The following FRMD4A variants were observed in gnomAD, a reference collection of about 807,000 sequenced individuals.
FRMD4A encodes the protein FERM domain-containing protein 4A.
A neutral mutation model predicts 129.1 loss-of-function variants in FRMD4A; 29 were observed. The ratio of observed to expected loss-of-function variants is 0.22; its 90% CI spans 0.17 to 0.31. The LOEUF (loss-of-function observed/expected upper bound fraction) is 0.31, where lower values mean the gene tolerates loss of function less well. FRMD4A is among the 10% of genes least tolerant of loss of function. The probability of loss-of-function intolerance (pLI) is 1.00; values close to 1 mark genes in which losing one functional copy is unlikely to be tolerated. For missense variants in FRMD4A, 1,272 were observed against 1,375.8 expected (o/e 0.92, Z 1.19); for synonymous variants, 634 against 571.6 (o/e 1.11, Z -1.56).
At chr10:14,162,641 G>GTTTTTTTTTTTTTTT (rs71388160) in intron 2 of FRMD4A, among the ~76,000 whole-genome samples, 17 of 118,382 alleles carry the variant, frequency 1.4e-4, no homozygotes, top group African/African-American at 2.4e-4. Flanking sequence ...TTTTTTTTTT[G>GTTTTTTTTTTTTTTT]TTTTTTTTTT....
intron 2 of FRMD4A, among the ~76,000 whole-genome samples, chr10:14,195,945 G>T (rs1842460228): frequency 6.6e-6 from 1 of 152,134 alleles, no homozygotes; most frequent in South Asian, 2.1e-4. Flanking sequence ...GAAAAGTTTT[G>T]TTCAGTATGT....
chr10:13,977,088 GAGA>G (rs1229212494), intron 2 of FRMD4A, among the ~76,000 whole-genome samples: 5 of 152,338 alleles, frequency 3.3e-5, no homozygotes, highest in African/African-American at 1.2e-4. Context: ...ATTCCAAAGT[GAGA>G]AGGTGATAGG....
intron 12 of FRMD4A, among the ~76,000 whole-genome samples, chr10:13,718,942 A>G (rs1408886927): frequency 6.6e-6 from 1 of 152,224 alleles, no homozygotes; most frequent in African/African-American, 2.4e-5. Context: ...ACCTGGGGGC[A>G]TATTAGACAC....
intron 2 of FRMD4A, among the ~76,000 whole-genome samples, chr10:14,072,264 A>G (rs561535985): frequency 1.3e-5 from 2 of 152,206 alleles, no homozygotes; most frequent in Non-Finnish European, 2.9e-5. Context: ...GAGTTCAGGC[A>G]CAAATGGGGC....
intron 2 of FRMD4A, among the ~76,000 whole-genome samples, chr10:14,239,435 G>A (rs887867530): frequency 2.0e-5 from 3 of 152,128 alleles, no homozygotes; most frequent in Non-Finnish European, 2.9e-5. Flanking sequence ...AGACCATCCT[G>A]GCTAACATGG....
intron 2 of FRMD4A, among the ~76,000 whole-genome samples, chr10:14,006,229 C>T (rs35930640): frequency 0.19 from 29,144 of 152,122 alleles, 3,382 homozygotes; most frequent in East Asian, 0.45. Flanking sequence ...CTCACCTTCA[C>T]GGGGAAGACC....
chr10:14,182,190 G>C (rs1316096529), intron 2 of FRMD4A, among the ~76,000 whole-genome samples: 1 of 152,162 alleles, frequency 6.6e-6, no homozygotes, highest in East Asian at 1.9e-4. Context: ...ATGGAGATGG[G>C]AGTTGACACA....
intron 2 of FRMD4A, among the ~76,000 whole-genome samples, chr10:14,294,555 G>A (rs76683802): frequency 0.02 from 3,022 of 152,206 alleles, 51 homozygotes; most frequent in Non-Finnish European, 0.031. Flanking sequence ...CCCCGATTCA[G>A]GCAGATTCAA....
At chr10:14,328,745 A>G (rs1843391022) in intron 2 of FRMD4A, among the ~76,000 whole-genome samples, 1 of 151,974 alleles carries the variant, frequency 6.6e-6, no homozygotes, top group African/African-American at 2.4e-5. Flanking sequence ...AATGCATTTT[A>G]GTGCCAGCCA....
Position 13,809,258 on chromosome 10 carries a change from G to A in FRMD4A, c.206+1556C>T, listed in dbSNP as rs553908996. ...CTTCCCCTTCAGCCCAGGATCACAC[G>A]TTCGTTTTTCAATTCTTGTTTATTC... On this transcript the variant is annotated intron_variant, in intron 4 of 24. Transcript: ENST00000357447. Among the ~76,000 whole-genome samples, 5 of 152,258 alleles carry A rather than the reference G, an allele frequency of 3.3e-5. No individual in the cohort carries two copies. In the East Asian group the frequency reaches 9.6e-4, roughly 29 times the overall value.
chr10:13,917,991 C>T (rs573001869), intron 2 of FRMD4A, among the ~76,000 whole-genome samples: 20 of 152,304 alleles, frequency 1.3e-4, no homozygotes, highest in African/African-American at 4.1e-4. Context: ...AAAAAGTGAT[C>T]ACTATTACCT....
chr10:14,084,928 C>T (rs1035491034), intron 2 of FRMD4A, among the ~76,000 whole-genome samples: 3 of 152,290 alleles, frequency 2.0e-5, no homozygotes, highest in East Asian at 1.9e-4. Context: ...CCCTGTGTGG[C>T]GTGGCTTGTC....
At chr10:13,720,037 C>T (rs2089268795) in intron 12 of FRMD4A, among the ~76,000 whole-genome samples, 1 of 152,136 alleles carries the variant, frequency 6.6e-6, no homozygotes, top group Non-Finnish European at 1.5e-5. Context: ...CTCTCTGCAA[C>T]CCTTCCTTGG....
At chr10:14,128,687 T>C (rs1839063215) in intron 2 of FRMD4A, among the ~76,000 whole-genome samples, 1 of 152,194 alleles carries the variant, frequency 6.6e-6, no homozygotes, top group South Asian at 2.1e-4. Context: ...CCTAGTTTTG[T>C]AATGAGAAAA....
At chr10:13,762,076 C>T (rs2092096109) in intron 7 of FRMD4A, among the ~76,000 whole-genome samples, 1 of 152,074 alleles carries the variant, frequency 6.6e-6, no homozygotes, top group Non-Finnish European at 1.5e-5. Flanking sequence ...AGGTAGGGAC[C>T]AGAGAAACTT....
At chr10:13,947,867 G>C (rs996023331) in intron 2 of FRMD4A, among the ~76,000 whole-genome samples, 11 of 151,920 alleles carry the variant, frequency 7.2e-5, no homozygotes, top group African/African-American at 2.7e-4. Context: ...ATTCTGGCCT[G>C]TGCATGTCCA....
chr10:13,881,089 C>A (rs2094541222), intron 2 of FRMD4A, among the ~76,000 whole-genome samples: 1 of 151,956 alleles, frequency 6.6e-6, no homozygotes. Context: ...CTGCCATTTG[C>A]CAGCTGGGGT....
rs2093631248 is a variant in FRMD4A, at chr10:13,821,658, T to C, written c.112-10750A>G. 6.6e-6 allele frequency among the ~76,000 whole-genome samples: 1 copy of C among 152,054 alleles called. No individual in the cohort carries two copies. Among genetic ancestry groups the C allele is most frequent in the African/African-American group, 2.4e-5 (1 of 41,382 alleles). ...GAAGTAGACACCAGGATTGCCCCCATGTGATAGAGGGAACTGAGATACAGC... is the reference window on the plus strand; with the variant it reads ...GAAGTAGACACCAGGATTGCCCCCACGTGATAGAGGGAACTGAGATACAGC... On this transcript the variant is annotated intron_variant, in intron 3 of 24. Coordinates refer to ENST00000357447, the MANE Select transcript of FRMD4A (RefSeq NM_018027.5). This position sits in a 1 kb window ranked among gnomAD's most constrained non-coding sequence, Gnocchi z 4.3.
intron 2 of FRMD4A, among the ~76,000 whole-genome samples, chr10:14,299,384 A>G (rs1350410973): frequency 1.3e-5 from 2 of 152,122 alleles, no homozygotes; most frequent in East Asian, 3.8e-4. Context: ...TGCAGGAGGG[A>G]AAGCTTGCTG....
Sources: allele counts gnomAD v4.1 joint callset (sites outside exome capture counted in the v4.1 genomes callset), GRCh38; gene constraint gnomAD v4.1.1; non-coding constraint Gnocchi (gnomAD v3.1); transcripts MANE v1.5; gene names NCBI Gene and HGNC (gene_info 2026-07-23, HGNC 2026-07-21).